Variants in PCDH15 observed in about 807,000 individuals in gnomAD.
The protein encoded by PCDH15 is protocadherin-15.
In PCDH15, 129 loss-of-function variants were observed where a neutral mutation model predicts 178.5. The observed-to-expected ratio is 0.72, with a 90% CI of 0.63 to 0.84. The LOEUF is 0.84. PCDH15 is among the 40% of genes least tolerant of loss of function. The probability of loss-of-function intolerance (pLI) is 0.00; values close to 1 mark genes in which losing one functional copy is unlikely to be tolerated. For synonymous variants in PCDH15, 800 were observed against 732.0 expected, an observed-to-expected ratio of 1.09 and a Z score of -1.50; for missense variants, 2,230 against 2,099.9, an observed-to-expected ratio of 1.06 and a Z score of -1.21.
intron 2 of PCDH15, among the ~76,000 whole-genome samples, chr10:55,124,965 G>T (rs924586571): frequency 3.3e-5 from 5 of 151,894 alleles, no homozygotes; most frequent in African/African-American, 1.2e-4. Flanking sequence ...AGGACTTTAG[G>T]TGACACAAAA....
chr10:54,719,762 G>T (rs945462995), intron 1 of PCDH15, among the ~76,000 whole-genome samples: 1 of 152,008 alleles, frequency 6.6e-6, no homozygotes, highest in Non-Finnish European at 1.5e-5. Flanking sequence ...CCACTTATGA[G>T]TGAGAATATC....
At chr10:54,456,487 A>G (rs562130450) in intron 3 of PCDH15, among the ~76,000 whole-genome samples, 2 of 152,276 alleles carry the variant, frequency 1.3e-5, no homozygotes, top group South Asian at 2.1e-4. Flanking sequence ...CTGTATCCCC[A>G]TTGTATCTAT....
At chr10:54,918,618 C>T (rs1414540201) in intron 2 of PCDH15, among the ~76,000 whole-genome samples, 1 of 152,148 alleles carries the variant, frequency 6.6e-6, no homozygotes, top group Non-Finnish European at 1.5e-5. Context: ...ATTGCACTAA[C>T]ACCAGCATGA....
chr10:54,657,167 G>A (rs894770331), intron 2 of PCDH15, among the ~76,000 whole-genome samples: 8 of 152,210 alleles, frequency 5.3e-5, no homozygotes, highest in Non-Finnish European at 8.8e-5. Flanking sequence ...ATGGTCTCCA[G>A]CTGCACTATG....
chr10:54,969,872 A>G (rs1247929704), intron 2 of PCDH15, among the ~76,000 whole-genome samples: 1 of 152,340 alleles, frequency 6.6e-6, no homozygotes, highest in Non-Finnish European at 1.5e-5. Context: ...AGGAAAATAT[A>G]GACTCTATTA....
intron 1 of PCDH15, among the ~76,000 whole-genome samples, chr10:54,792,636 G>C (rs1176330776): frequency 5.3e-5 from 8 of 151,836 alleles, no homozygotes. Context: ...TTTACCATCA[G>C]ACTTGAACTC....
rs1832627850 is a variant in PCDH15 at position 55,166,608 on chromosome 10, TC to T, written c.-113del. 5.9e-5 allele frequency: 9 copies of T among 152,292 alleles called. No individual in the cohort carries two copies. The South Asian group carries it at 1.9e-3, about 32-fold the overall frequency. The allele number at this position is 152,292 out of a possible 1,614,324, so 9.4% of individuals were successfully genotyped here. A position where few individuals can be genotyped will look rare whatever the true frequency, so the allele number is the denominator to read the frequency against. The stretch of plus-strand genomic sequence containing the variant: ...TCGTGTCCTTTTGTCAACCTCTAGG[TC>T]TGTCAACTTCAACTGTTTCTAGGGA... On this transcript the variant is annotated 5_prime_UTR_variant, in exon 2 of 6. Coordinates refer to the PCDH15 transcript ENST00000458638.
At chr10:55,463,163 G>A (rs1476815969) in intron 2 of PCDH15, among the ~76,000 whole-genome samples, 2 of 150,774 alleles carry the variant, frequency 1.3e-5, no homozygotes, top group Non-Finnish European at 3.0e-5. Context: ...ATGATCTGAA[G>A]TATGATTTAA....
intron 2 of PCDH15, among the ~76,000 whole-genome samples, chr10:55,093,080 T>C (rs1024866842): frequency 6.6e-6 from 1 of 152,078 alleles, no homozygotes; most frequent in African/African-American, 2.4e-5. Context: ...TCAAAATTTA[T>C]TTTAGATTTC....
chr10:55,627,034 G>T (rs1837543123), intron 2 of PCDH15, among the ~76,000 whole-genome samples: 1 of 152,098 alleles, frequency 6.6e-6, no homozygotes, highest in Admixed American at 6.5e-5. Context: ...GAAAGTGAGA[G>T]ACAGAAAGAG....
chr10:54,096,379 T>C (rs1471234940), intron 15 of PCDH15, among the ~76,000 whole-genome samples: 1 of 152,138 alleles, frequency 6.6e-6, no homozygotes, highest in African/African-American at 2.4e-5. Flanking sequence ...TTATACTGCA[T>C]TAACTGCTAC....
chr10:53,820,412 T>G (rs922585474), intron 32 of PCDH15, among the ~76,000 whole-genome samples, 182 bp from the exon 33 acceptor site: 1 of 152,026 alleles, frequency 6.6e-6, no homozygotes, highest in African/African-American at 2.4e-5. Flanking sequence ...TGAAGAAATA[T>G]GAGGGATGAA....
intron 1 of PCDH15, among the ~76,000 whole-genome samples, chr10:54,765,599 T>C (rs1451982263): frequency 6.6e-6 from 1 of 152,166 alleles, no homozygotes; most frequent in Non-Finnish European, 1.5e-5. Flanking sequence ...ATCAAAAGTA[T>C]TACCTGTATT....
intron 2 of PCDH15, among the ~76,000 whole-genome samples, chr10:55,148,751 C>T (rs1392397186): frequency 6.6e-6 from 1 of 151,184 alleles, no homozygotes; most frequent in Non-Finnish European, 1.5e-5. Context: ...AGATTTCACT[C>T]TTTTTCCCTT....
intron 2 of PCDH15, among the ~76,000 whole-genome samples, chr10:54,996,316 A>C (rs192070402): frequency 6.6e-6 from 1 of 152,142 alleles, no homozygotes; most frequent in East Asian, 1.9e-4. Flanking sequence ...TTTTGTAGGT[A>C]CCAGATAGCT....
intron 3 of PCDH15, among the ~76,000 whole-genome samples, chr10:54,481,260 C>T (rs149008887): frequency 8.9e-4 from 135 of 151,748 alleles, no homozygotes; most frequent in South Asian, 2.3e-3. Context: ...ACAAAATTTT[C>T]TCTAATATAT....
At chr10:54,367,950 G>T (rs550726361) in intron 5 of PCDH15, among the ~76,000 whole-genome samples, 53 of 151,738 alleles carry the variant, frequency 3.5e-4, no homozygotes, top group Non-Finnish European at 4.1e-4. Flanking sequence ...AACTCAAAGG[G>T]TGTATTTCAA....
chr10:54,822,976 G>A (rs1213582141), intron 3 of PCDH15, among the ~76,000 whole-genome samples: 2 of 151,978 alleles, frequency 1.3e-5, no homozygotes, highest in Admixed American at 6.6e-5. Context: ...CTGCCTCCAG[G>A]ATTCAAGAAA....
intron 1 of PCDH15, among the ~76,000 whole-genome samples, chr10:55,265,360 G>A (rs10825490): frequency 0.17 from 24,884 of 148,814 alleles, 2,889 homozygotes; most frequent in East Asian, 0.37. Flanking sequence ...AATAGATATA[G>A]GGATAGATAT....
Sources: gnomAD v4.1 joint callset for allele counts (sites outside exome capture counted in the v4.1 genomes callset) on GRCh38, gnomAD v4.1.1 for gene constraint, MANE v1.5 for transcripts, NCBI Gene and HGNC (gene_info 2026-07-23, HGNC 2026-07-21) for gene names.